Variants in ADAMTSL1 observed in about 807,000 individuals in gnomAD.
ADAMTSL1 encodes ADAMTS like 1.
A neutral mutation model predicts 201.8 loss-of-function variants in ADAMTSL1; 126 were observed. The ratio of observed to expected loss-of-function variants is 0.62; its 90% confidence interval spans 0.54 to 0.72. The LOEUF (loss-of-function observed/expected upper bound fraction) is 0.72. Among genes scored for constraint, ADAMTSL1 ranks in the 30% least tolerant of loss-of-function variants. The pLI is 0.00. For missense variants in ADAMTSL1, 2,679 were observed against 2,277.8 expected, an observed-to-expected ratio of 1.18 and a Z score of -3.59; for synonymous variants, 1,121 against 903.4, an observed-to-expected ratio of 1.24 and a Z score of -4.32.
chr9:18,574,287 A>G (rs747784349), intron 4 of ADAMTSL1, 21 bp downstream of exon 4: 80 of 1,594,622 alleles, frequency 5.0e-5, no homozygotes, highest in Non-Finnish European at 6.5e-5. Context: ...ATTTGTTCTC[A>G]TTCAACTTGT....
At chr9:18,750,854 G>T (rs114149604) in intron 15 of ADAMTSL1, among the ~76,000 whole-genome samples, 217 of 152,292 alleles carry the variant, frequency 1.4e-3, no homozygotes, top group African/African-American at 5.0e-3. Flanking sequence ...CACATGGCTG[G>T]CAAGTTGATG....
chr9:18,371,370 G>A (rs531683391), intron 2 of ADAMTSL1, among the ~76,000 whole-genome samples: 1 of 152,216 alleles, frequency 6.6e-6, no homozygotes, highest in East Asian at 1.9e-4. Context: ...TAAGGGTGGA[G>A]TACATCTGAA....
intron 2 of ADAMTSL1, among the ~76,000 whole-genome samples, chr9:18,440,185 A>G (rs956200805): frequency 6.6e-6 from 1 of 152,130 alleles, no homozygotes; most frequent in Non-Finnish European, 1.5e-5. Context: ...GAGTTCTGCT[A>G]TGGTACAATA....
chr9:18,735,218 G>A (rs562837089), intron 15 of ADAMTSL1, among the ~76,000 whole-genome samples: 16 of 152,188 alleles, frequency 1.1e-4, no homozygotes, highest in South Asian at 2.1e-4. Flanking sequence ...AACTATGGAA[G>A]ACAGAAGGAC....
rs140974065 is a variant in ADAMTSL1, at chr9:18,018,012, C to G, written c.87+111090C>G. ...TTTCAAACTGTGGCCTGAGGGATAA[C>G]TGCAGCTAGTGACCTCTTTTGGTAC... On this transcript the variant is annotated intron_variant, in intron 1 of 29. Coordinates refer to the ADAMTSL1 transcript ENST00000680146. Among the ~76,000 whole-genome samples the G allele has an allele frequency of 4.1e-3, 627 of 152,190 alleles. 1 individual carries two copies. The highest frequency in any genetic ancestry group is 0.014 in the African/African-American group (582 of 41,566).
At chr9:17,952,585 A>G (rs12552709) in intron 1 of ADAMTSL1, among the ~76,000 whole-genome samples, 31,295 of 151,940 alleles carry the variant, frequency 0.21, 3,414 homozygotes, top group Middle Eastern at 0.28. Context: ...AGATACTACC[A>G]TGTTTTTATT....
intron 2 of ADAMTSL1, among the ~76,000 whole-genome samples, chr9:18,467,565 C>CA (rs1283588754): frequency 6.6e-6 from 1 of 151,964 alleles, no homozygotes; most frequent in Non-Finnish European, 1.5e-5. Flanking sequence ...AGCAAATGAG[C>CA]AAAAGGAGAA....
intron 2 of ADAMTSL1, among the ~76,000 whole-genome samples, chr9:18,406,376 T>C (rs972375791): frequency 3.3e-5 from 5 of 151,448 alleles, no homozygotes; most frequent in African/African-American, 1.2e-4. Flanking sequence ...TCGCCCAGGC[T>C]GGAGTGCGGT....
At chr9:18,306,219 A>T (rs778715328) in intron 2 of ADAMTSL1, among the ~76,000 whole-genome samples, 12 of 152,218 alleles carry the variant, frequency 7.9e-5, no homozygotes, top group Non-Finnish European at 1.8e-4. Context: ...AGGAAGATAA[A>T]TACACGAAGA....
intron 2 of ADAMTSL1, among the ~76,000 whole-genome samples, chr9:18,464,549 C>A (rs1820927699): frequency 6.6e-6 from 1 of 152,136 alleles, no homozygotes; most frequent in Non-Finnish European, 1.5e-5. Flanking sequence ...AAATGTGAAA[C>A]TTTGAAAGTG....
At chr9:18,643,320 C>T (rs924005377) in intron 7 of ADAMTSL1, among the ~76,000 whole-genome samples, 9 of 151,940 alleles carry the variant, frequency 5.9e-5, no homozygotes, top group Non-Finnish European at 1.3e-4. Context: ...TGGGTATTAG[C>T]CCCTTATCAG....
At chr9:18,350,029 G>A (rs56892115) in intron 2 of ADAMTSL1, among the ~76,000 whole-genome samples, 2 of 151,766 alleles carry the variant, frequency 1.3e-5, no homozygotes, top group Non-Finnish European at 2.9e-5. Flanking sequence ...GCAGTAACCC[G>A]GGCCTGAGCA....
chr9:18,137,227 T>C (rs1376836009), intron 1 of ADAMTSL1, among the ~76,000 whole-genome samples: 1 of 152,226 alleles, frequency 6.6e-6, no homozygotes, highest in Non-Finnish European at 1.5e-5. Flanking sequence ...TTTCTATTTA[T>C]TGGCAGATTT....
At chr9:18,352,802 T>C (rs934357968) in intron 2 of ADAMTSL1, among the ~76,000 whole-genome samples, 1 of 152,226 alleles carries the variant, frequency 6.6e-6, no homozygotes, top group African/African-American at 2.4e-5. Context: ...AATACGTTTT[T>C]ACCCTATTTC....
chr9:18,148,184 G>T (rs1826738184), intron 1 of ADAMTSL1, among the ~76,000 whole-genome samples: 1 of 151,974 alleles, frequency 6.6e-6, no homozygotes, highest in Non-Finnish European at 1.5e-5. Flanking sequence ...ATAGAGTTTT[G>T]GTAGAGAAGG....
intron 1 of ADAMTSL1, among the ~76,000 whole-genome samples, chr9:17,929,948 T>A (rs575707931): frequency 6.6e-6 from 1 of 152,316 alleles, no homozygotes; most frequent in East Asian, 1.9e-4. Context: ...CACATCTAGT[T>A]CAGTGCCTGG....
chr9:18,812,908 G>T (rs1027544037), intron 20 of ADAMTSL1, among the ~76,000 whole-genome samples: 4 of 151,060 alleles, frequency 2.6e-5, no homozygotes, highest in Admixed American at 6.6e-5. Context: ...TGCTGTTTGG[G>T]TTACTGTAGC....
chr9:18,843,934 G>T (rs1028477578), intron 23 of ADAMTSL1, among the ~76,000 whole-genome samples: 5 of 152,042 alleles, frequency 3.3e-5, no homozygotes, highest in South Asian at 2.1e-4. Flanking sequence ...TTATACATTC[G>T]TGTAAATTTT....
At chr9:18,482,498 C>T (rs1821779588) in intron 1 of ADAMTSL1, among the ~76,000 whole-genome samples, 1 of 152,176 alleles carries the variant, frequency 6.6e-6, no homozygotes, top group African/African-American at 2.4e-5. Context: ...TAAGTCAATT[C>T]AGTTTGTTGG....
Sources: gnomAD v4.1 joint callset for allele counts (sites outside exome capture counted in the v4.1 genomes callset) on GRCh38, gnomAD v4.1.1 for gene constraint, MANE v1.5 for transcripts, NCBI Gene and HGNC (gene_info 2026-07-23, HGNC 2026-07-21) for gene names.